The following PECR variants were observed in gnomAD, a reference collection of about 807,000 sequenced individuals.
PECR encodes the protein 2,4-dienoyl-CoA reductase-related protein.
In PECR, 30 loss-of-function variants were observed where a neutral mutation model predicts 35.3. That is an observed-to-expected ratio of 0.85 (90% CI 0.64 to 1.15). The LOEUF is 1.15. Among genes scored for constraint, PECR ranks in the 50% most tolerant of loss-of-function variants. PECR has a pLI of 0.00. For missense variants in PECR, 392 were observed against 370.8 expected (o/e 1.06, Z -0.47); for synonymous variants, 148 against 138.9 (o/e 1.07, Z -0.46).
intron 7 of PECR, among the ~76,000 whole-genome samples, chr2:216,043,548 A>G (rs1051975115): frequency 6.6e-6 from 1 of 152,164 alleles, no homozygotes; most frequent in Non-Finnish European, 1.5e-5. Context: ...CTGCTCAGAT[A>G]TGTAAGCCAT....
At chr2:216,041,370 A>G (rs1288008058) in intron 7 of PECR, among the ~76,000 whole-genome samples, 4 of 152,212 alleles carry the variant, frequency 2.6e-5, no homozygotes, top group Non-Finnish European at 5.9e-5. Context: ...TCAGAAAACA[A>G]TATGGCAAAA....
chr2:216,081,490 C>A, intron 1 of PECR, 128 bp downstream of exon 1: 1 of 1,194,640 alleles, frequency 8.4e-7, no homozygotes, highest in Non-Finnish European at 1.2e-6. Flanking sequence ...TAATTTCGCC[C>A]ACACCTGCCC....
intron 6 of PECR, among the ~76,000 whole-genome samples, chr2:216,048,384 TAAAAAAAAAAAA>T (rs71047969): frequency 7.5e-6 from 1 of 132,892 alleles, no homozygotes; most frequent in Admixed American, 7.7e-5. Flanking sequence ...CTTGTTTTCT[TAAAAAAAAAAAA>T]AAAAAAAAAT....
At chr2:216,081,042 T>G (rs1160927874) in intron 1 of PECR, among the ~76,000 whole-genome samples, 1 of 152,184 alleles carries the variant, frequency 6.6e-6, no homozygotes, top group East Asian at 1.9e-4. Context: ...TCATATGCCT[T>G]TAAACTTTAT....
At position 216,043,929 on chromosome 2, in the gene PECR, G is replaced by C; in HGVS notation, c.801C>G (p.Leu267=). The change falls in exon 7 of 8, where the codon CTC becomes CTG. Residue 267 remains leucine, a synonymous_variant. Coordinates refer to ENST00000265322, the MANE Select transcript of PECR (RefSeq NM_018441.6). The stretch of plus-strand genomic sequence containing the variant: ...CTGGTACCTCATACGAGTGAGTATA[G>C]AGACTCCGGCCCCCATCCACATCCA... The part of the protein sequence containing the change: ...QSVDVDGGRS[L]YTHSYEVPDH... 5 of 1,605,766 alleles carry C rather than the reference G, an allele frequency of 3.1e-6. No individual in the cohort carries two copies. Among genetic ancestry groups the C allele is most frequent in the South Asian group, 1.1e-5 (1 of 90,924 alleles).
At chr2:216,058,349 G>A (rs1331271833) in intron 4 of PECR, among the ~76,000 whole-genome samples, 1 of 152,148 alleles carries the variant, frequency 6.6e-6, no homozygotes, top group Non-Finnish European at 1.5e-5. Flanking sequence ...TCCAGGAAAT[G>A]AGCAGGGTAC....
In PECR at chr2:216,081,625, C is replaced by T; in HGVS notation, c.117G>A (p.Leu39=). 1 of 1,613,800 alleles carries T rather than the reference C, an allele frequency of 6.2e-7. No homozygotes were observed. The highest frequency in any genetic ancestry group is 8.5e-7 in the Non-Finnish European group (1 of 1,179,978). Residue 39 remains leucine (L), a synonymous_variant, in exon 1 of 8, where the codon CTG becomes CTA. Coordinates refer to ENST00000265322, the MANE Select transcript of PECR (RefSeq NM_018441.6). The stretch of plus-strand genomic sequence containing the variant: ...AGCGGCCCGCTCACGTACCCAGCTC[C>T]AGGAGCTCCTTCACGATGGCTTTTC... ...GIGKAIVKEL[L]ELGSNVVIAS...
rs1695656904 is a variant in PECR, at chr2:216,074,545, G to GAAGGAAGGAAGA, written c.124+7072_124+7073insTCTTCCTTCCTT. ...GGAAGGAAGGAAGGAAGGAAGAAAGGAAGGAAGGAAGGAAGAGAGAGAGAG... is the reference window on the plus strand; with the variant it reads ...GGAAGGAAGGAAGGAAGGAAGAAAGGAAGGAAGGAAGAAAGGAAGGAAGGAAGAGAGAGAGAG... On this transcript the variant is annotated intron_variant, in intron 1 of 7. Transcript: ENST00000265322. 4.1e-5 allele frequency among the ~76,000 whole-genome samples: 5 copies of GAAGGAAGGAAGA among 121,570 alleles called. No homozygotes were observed. In the East Asian group the frequency reaches 6.8e-4, roughly 17 times the overall value. 79.8% of individuals were successfully genotyped at this position (121,570 alleles called of 152,430 possible).
At chr2:216,078,539 G>T (rs1450202857) in intron 1 of PECR, among the ~76,000 whole-genome samples, 1 of 148,054 alleles carries the variant, frequency 6.8e-6, no homozygotes, top group Non-Finnish European at 1.5e-5. Flanking sequence ...AGTGAGCCGA[G>T]ATTGCGCCAC....
intron 4 of PECR, among the ~76,000 whole-genome samples, chr2:216,054,371 C>CTTTT (rs34214360): frequency 2.9e-5 from 3 of 102,766 alleles, no homozygotes; most frequent in Non-Finnish European, 5.8e-5. Flanking sequence ...TTTTTTCTTT[C>CTTTT]TTTTTTTTTT....
intron 4 of PECR, among the ~76,000 whole-genome samples, chr2:216,053,003 G>C (rs777415648): frequency 1.3e-5 from 2 of 151,534 alleles, no homozygotes; most frequent in African/African-American, 4.9e-5. Context: ...ATAGGAGTGC[G>C]CCATCACGCC....
intron 1 of PECR, among the ~76,000 whole-genome samples, chr2:216,075,176 G>A (rs956003619): frequency 6.6e-6 from 1 of 152,108 alleles, no homozygotes; most frequent in Non-Finnish European, 1.5e-5. Flanking sequence ...GTTGAGGCAG[G>A]AGAATCATTT....
At chr2:216,029,338 C>T (rs1694644848) in intron 7 of PECR, among the ~76,000 whole-genome samples, 1 of 152,084 alleles carries the variant, frequency 6.6e-6, no homozygotes. Flanking sequence ...ATTAGCTGGG[C>T]GTGGTGGCGC....
chr2:216,037,573 C>G (rs199786752), downstream of PECR, among the ~76,000 whole-genome samples: 1 of 152,252 alleles, frequency 6.6e-6, no homozygotes, highest in East Asian at 1.9e-4. Flanking sequence ...CTGATCTTCC[C>G]ACATTATTAG....
At chr2:216,030,944 TCTCTCTCTCTCTCACA>T (rs1392614351) in intron 7 of PECR, among the ~76,000 whole-genome samples, 3 of 57,442 alleles carry the variant, frequency 5.2e-5, no homozygotes, top group African/African-American at 9.4e-5. Context: ...TCTCTCTCTC[TCTCTCTCTCTCTCACA>T]CACACACACA....
chr2:216,049,529 A>G (rs1035330171), intron 5 of PECR, among the ~76,000 whole-genome samples, 156 bp from the exon 6 acceptor site: 1 of 152,214 alleles, frequency 6.6e-6, no homozygotes, highest in Admixed American at 6.5e-5. Context: ...CATGTTGTCA[A>G]AGAAGTACAG....
Position 216,081,786 on chromosome 2 carries a change from G to A in PECR, c.-45C>T. 1 of 1,605,274 alleles carries A rather than the reference G, an allele frequency of 6.2e-7. No homozygotes were observed. Among genetic ancestry groups the A allele is most frequent in the Non-Finnish European group, 8.5e-7 (1 of 1,178,066 alleles). On this transcript the variant is annotated 5_prime_UTR_variant, in exon 1 of 8. Transcript: ENST00000265322. ...AGCAGCTGAGCGCAGGCCCTTCTGG[G>A]TCTCAGGGACATTCGAGGCGGGCGG...
At chr2:216,079,077 A>G (rs1174258942) in intron 1 of PECR, among the ~76,000 whole-genome samples, 1 of 151,752 alleles carries the variant, frequency 6.6e-6, no homozygotes, top group Non-Finnish European at 1.5e-5. Context: ...AAGAGGATAG[A>G]GCTTGGTGTT....
intron 1 of PECR, among the ~76,000 whole-genome samples, chr2:216,068,411 G>A (rs184916276): frequency 5.3e-5 from 8 of 151,996 alleles, no homozygotes; most frequent in Non-Finnish European, 7.4e-5. Flanking sequence ...ACATCTTTAC[G>A]GTATGGAAAG....
Sources: gnomAD v4.1 joint callset for allele counts (sites outside exome capture counted in the v4.1 genomes callset) on GRCh38, gnomAD v4.1.1 for gene constraint, MANE v1.5 for transcripts, NCBI Gene and HGNC (gene_info 2026-07-23, HGNC 2026-07-21) for gene names.